Variants in CD28 observed in about 807,000 individuals in gnomAD.
The protein encoded by CD28 is T-cell-specific surface glycoprotein CD28.
In CD28, 8 loss-of-function variants were observed where a neutral mutation model predicts 21.4. That is an observed-to-expected ratio of 0.37 (90% confidence interval 0.22 to 0.68). The LOEUF (loss-of-function observed/expected upper bound fraction) is 0.68. Among genes scored for constraint, CD28 ranks in the 30% least tolerant of loss-of-function variants. The probability of loss-of-function intolerance (pLI) is 0.55; values close to 1 mark genes in which losing one functional copy is unlikely to be tolerated. For synonymous variants in CD28, 106 were observed against 104.0 expected, an observed-to-expected ratio of 1.02 and a Z score of -0.12; for missense variants, 239 against 272.2, an observed-to-expected ratio of 0.88 and a Z score of 0.86.
At chr2:203,717,414 C>G (rs1366390851) in intron 1 of CD28, among the ~76,000 whole-genome samples, 2 of 152,198 alleles carry the variant, frequency 1.3e-5, no homozygotes, top group African/African-American at 2.4e-5. Flanking sequence ...GTTCTGGTAA[C>G]TTCGCTGTCC....
rs1045674777 is a variant in CD28 at position 203,737,307 on chromosome 2, G to A, written c.*2395G>A. On this transcript the variant is annotated 3_prime_UTR_variant, in exon 4 of 4. Coordinates refer to ENST00000324106, the MANE Select transcript of CD28 (RefSeq NM_006139.4). Reference sequence around the variant, plus strand: ...GCTGAAGAACTGTTGGATTTACCCTGGCACGTGTGCCACTTGCCAGCTTCT... The same window carrying A: ...GCTGAAGAACTGTTGGATTTACCCTAGCACGTGTGCCACTTGCCAGCTTCT... 1 of 152,150 alleles carries A rather than the reference G, an allele frequency of 6.6e-6. No individual in the cohort carries two copies. Among genetic ancestry groups the A allele is most frequent in the Non-Finnish European group, 1.5e-5 (1 of 68,040 alleles). The allele number at this position is 152,150 out of a possible 1,614,324, so 9.4% of individuals were successfully genotyped here. A position where few individuals can be genotyped will look rare whatever the true frequency, so the allele number is the denominator to read the frequency against.
At chr2:203,717,835 T>A (rs1693502036) in intron 1 of CD28, among the ~76,000 whole-genome samples, 1 of 152,288 alleles carries the variant, frequency 6.6e-6, no homozygotes, top group Non-Finnish European at 1.5e-5. Context: ...CAAAGCCCCC[T>A]TTTTCTGTGT....
At chr2:203,727,107 A>C in intron 2 of CD28, 118 bp downstream of exon 2, 1 of 665,312 alleles carries the variant, frequency 1.5e-6, no homozygotes, top group Non-Finnish European at 2.7e-6. Flanking sequence ...TGATACTAAC[A>C]AAGACAAATA....
chr2:203,706,669 G>A lies in CD28; in HGVS notation c.-28G>A. 6.2e-7 allele frequency: 1 copy of A among 1,613,974 alleles called. No individual in the cohort carries two copies. The highest frequency in any genetic ancestry group is 8.5e-7 in the Non-Finnish European group (1 of 1,179,936). ...TCGGGTTCCTCGGGGAGGAGGGGCT[G>A]GAACCCTAGCCCATCGTCAGGACAA... On this transcript the variant is annotated 5_prime_UTR_variant, in exon 1 of 4. Coordinates refer to ENST00000324106, the MANE Select transcript of CD28 (RefSeq NM_006139.4).
chr2:203,710,115 A>T lies in CD28; in HGVS notation c.52+3367A>T, dbSNP rs1693270054. Among the ~76,000 whole-genome samples the T allele has an allele frequency of 2.0e-5, 3 of 152,226 alleles. No individual in the cohort carries two copies. The South Asian group carries it at 6.2e-4, about 32-fold the overall frequency. On this transcript the variant is annotated intron_variant, in intron 1 of 3. Transcript: ENST00000324106. ...TGTTGCTCTGAGACTGGGCTTGGGAAAGTAAGGTGAAAAGATGAATGTCAA... is the reference window on the plus strand; with the variant it reads ...TGTTGCTCTGAGACTGGGCTTGGGATAGTAAGGTGAAAAGATGAATGTCAA...
intron 1 of CD28, 24 bp from the exon 2 acceptor site, chr2:203,726,609 G>A: frequency 6.4e-7 from 1 of 1,551,624 alleles, no homozygotes. Flanking sequence ...CTTGTTCTAA[G>A]CAAATGATTT....
chr2:203,725,797 T>G (rs991129584), intron 1 of CD28, among the ~76,000 whole-genome samples: 35 of 152,360 alleles, frequency 2.3e-4, no homozygotes, highest in Admixed American at 2.3e-3. Flanking sequence ...AAGCAAACTC[T>G]TGGGTTATAT....
At position 203,706,764 on chromosome 2, in the gene CD28, G is replaced by A. The variant is rs762445382; in HGVS notation, c.52+16G>A. ...CAAGTAACAGGTAAACAATGTTAAT[G>A]TCTTTCTTTCTGTAAATATTTTTTG... On this transcript the variant is annotated intron_variant, in intron 1 of 3. Coordinates refer to ENST00000324106, the MANE Select transcript of CD28 (RefSeq NM_006139.4). 6.4e-7 allele frequency: 1 copy of A among 1,567,730 alleles called. No individual in the cohort carries two copies. Among genetic ancestry groups the A allele is most frequent in the Non-Finnish European group, 8.8e-7 (1 of 1,137,868 alleles).
chr2:203,734,741 C>T, intron 3 of CD28, 43 bp from the exon 4 acceptor site: 2 of 1,611,788 alleles, frequency 1.2e-6, no homozygotes, highest in Non-Finnish European at 1.7e-6. Context: ...AGAACTCCTT[C>T]CATGACATTG....
chr2:203,733,858 C>G (rs1310058284), intron 3 of CD28, among the ~76,000 whole-genome samples: 1 of 152,016 alleles, frequency 6.6e-6, no homozygotes, highest in Non-Finnish European at 1.5e-5. Context: ...ACTCATGCCC[C>G]TTTGACAAGG....
intron 3 of CD28, among the ~76,000 whole-genome samples, chr2:203,733,846 T>G (rs1693959008): frequency 6.6e-6 from 1 of 152,228 alleles, no homozygotes. Flanking sequence ...TCTTTAGCAC[T>G]TACTCATGCC....
Position 203,736,008 on chromosome 2 carries a change from AAACAACAACAAC to A in CD28, c.*1117_*1128del, listed in dbSNP as rs55817478. The A allele has an allele frequency of 6.6e-6, 1 of 151,682 alleles. No homozygotes were observed. Among genetic ancestry groups the A allele is most frequent in the African/African-American group, 2.4e-5 (1 of 41,144 alleles). 9.4% of individuals were successfully genotyped at this position (151,682 alleles called of 1,614,324 possible). A position where few individuals can be genotyped will look rare whatever the true frequency, so the allele number is the denominator to read the frequency against. On this transcript the variant is annotated 3_prime_UTR_variant, in exon 4 of 4. Transcript: ENST00000324106. ...GGGCGACAGAGTGAGACTCCATCTC[AAACAACAACAAC>A]AACAACAACAACAACAACAAACCAC... is the stretch of plus-strand genomic sequence containing the variant.
In CD28 at chr2:203,707,000, T is replaced by TTTA. The variant is rs1475515650; in HGVS notation, c.52+270_52+272dup. On this transcript the variant is annotated intron_variant, in intron 1 of 3. Coordinates refer to ENST00000324106, the MANE Select transcript of CD28 (RefSeq NM_006139.4). The stretch of plus-strand genomic sequence containing the variant: ...CTATTAGTTGATAGTGTCCCAAGAA[T>TTTA]TTATTATTATTATTATTATTTTAAA... Among the ~76,000 whole-genome samples, 129 of 151,774 alleles carry TTTA rather than the reference T, an allele frequency of 8.5e-4. 1 individual carries two copies. The highest frequency in any genetic ancestry group is 2.6e-3 in the African/African-American group (107 of 41,428).
chr2:203,707,134 A>G (rs561935909), intron 1 of CD28, among the ~76,000 whole-genome samples: 20 of 151,742 alleles, frequency 1.3e-4, no homozygotes, highest in Non-Finnish European at 2.5e-4. Flanking sequence ...ATGAGCTACC[A>G]TGCCCGGCCA....
At chr2:203,709,505 G>A (rs1693257163) in intron 1 of CD28, among the ~76,000 whole-genome samples, 1 of 152,168 alleles carries the variant, frequency 6.6e-6, no homozygotes, top group Non-Finnish European at 1.5e-5. Flanking sequence ...AGTGTAGAGA[G>A]ATATTTATGG....
intron 1 of CD28, among the ~76,000 whole-genome samples, chr2:203,716,042 G>C (rs1405106795): frequency 2.0e-5 from 3 of 152,146 alleles, no homozygotes; most frequent in African/African-American, 7.2e-5. Flanking sequence ...AAAGCAGCAT[G>C]TACCACAACA....
intron 1 of CD28, among the ~76,000 whole-genome samples, chr2:203,710,413 C>A (rs1032029218): frequency 1.3e-5 from 2 of 152,132 alleles, no homozygotes; most frequent in Non-Finnish European, 2.9e-5. Flanking sequence ...TGAGTCATTG[C>A]CACAGATAGA....
intron 1 of CD28, among the ~76,000 whole-genome samples, chr2:203,726,212 AAAAC>A (rs1169900710): frequency 6.6e-6 from 1 of 152,224 alleles, no homozygotes; most frequent in Non-Finnish European, 1.5e-5. Flanking sequence ...CTCTGTCTCA[AAAAC>A]AAACAAACAA....
intron 1 of CD28, among the ~76,000 whole-genome samples, chr2:203,722,471 A>G (rs1014068201): frequency 6.6e-6 from 1 of 152,264 alleles, no homozygotes; most frequent in African/African-American, 2.4e-5. Flanking sequence ...CAGGTTTCCA[A>G]AAAGGATTTA....
Sources: allele counts gnomAD v4.1 joint callset (sites outside exome capture counted in the v4.1 genomes callset), GRCh38; gene constraint gnomAD v4.1.1; transcripts MANE v1.5; gene names NCBI Gene and HGNC (gene_info 2026-07-23, HGNC 2026-07-21).